Variants in SLC12A8 observed in about 807,000 individuals in gnomAD.
SLC12A8 encodes solute carrier family 12 member 8.
In SLC12A8, 69 loss-of-function variants were observed where a neutral mutation model predicts 75.6. That is an observed-to-expected ratio of 0.91 (90% confidence interval 0.75 to 1.11). The LOEUF (loss-of-function observed/expected upper bound fraction) is 1.11. SLC12A8 is among the 50% of genes most tolerant of loss of function. The pLI, the probability that SLC12A8 is intolerant of heterozygous loss-of-function variation, is 0.00. For synonymous variants in SLC12A8, 365 were observed against 372.8 expected (o/e 0.98, Z 0.24); for missense variants, 877 against 896.7 (o/e 0.98, Z 0.28).
intron 10 of SLC12A8, among the ~76,000 whole-genome samples, chr3:125,094,305 C>G (rs970279378): frequency 1.3e-5 from 2 of 152,186 alleles, no homozygotes; most frequent in Non-Finnish European, 2.9e-5. Flanking sequence ...TAACCTCTTA[C>G]CTACATACAC....
At chr3:125,211,417 G>A in intron 1 of SLC12A8, 23 bp from the exon 2 acceptor site, 1 of 1,347,118 alleles carries the variant, frequency 7.4e-7, no homozygotes, top group Non-Finnish European at 1.1e-6. Flanking sequence ...AGCATCCTTG[G>A]TCAGGCTGGC....
Position 125,083,763 on chromosome 3 carries a change from G to T in SLC12A8, c.*127C>A. ...GGAAAAGAAAATGTAGATTTCCATT[G>T]TCCAAAGTGACAGCGGGAGGATGGG... On this transcript the variant is annotated 3_prime_UTR_variant, in exon 14 of 14. Transcript: ENST00000469902. 221 of 786,206 alleles carry T rather than the reference G, an allele frequency of 2.8e-4. No individual in the cohort carries two copies. Among genetic ancestry groups the T allele is most frequent in the Non-Finnish European group, 3.9e-4 (199 of 512,048 alleles). The allele number at this position is 786,206 out of a possible 1,614,324, so 48.7% of individuals were successfully genotyped here.
intron 2 of SLC12A8, among the ~76,000 whole-genome samples, chr3:125,201,702 G>GAAAAAAAAAAAAAAAAAAAA (rs141256499): frequency 1.0e-5 from 1 of 95,572 alleles, no homozygotes; most frequent in Non-Finnish European, 2.2e-5. Flanking sequence ...AGCCATGATT[G>GAAAAAAAAAAAAAAAAAAAA]AAAAAAAAAA....
intron 5 of SLC12A8, among the ~76,000 whole-genome samples, chr3:125,143,054 C>T (rs527579186): frequency 1.3e-5 from 2 of 152,328 alleles, no homozygotes; most frequent in African/African-American, 4.8e-5. Flanking sequence ...GATGAGGAAA[C>T]CTTCATGGTC....
At position 125,120,648 on chromosome 3, in the gene SLC12A8, C is replaced by T; in HGVS notation, c.775G>A (p.Glu259Lys). ...CCCAGGGGAATGCTGGCGGCAGGCT[C>T]CCTGAGGTCGCCCCCCATGTTGAAG... ...AGFNMGGDLR[E>K]PAASIPLGSL... Residue 259 changes from glutamate (E) to lysine (K), a missense_variant, in exon 7 of 14, where the codon GAG becomes AAG. By Grantham distance (56) the Glu-to-Lys change is moderately conservative. Transcript: ENST00000469902. 2.5e-6 allele frequency: 4 copies of T among 1,613,688 alleles called. No individual in the cohort carries two copies. The highest frequency in any genetic ancestry group is 3.4e-6 in the Non-Finnish European group (4 of 1,179,918).
intron 2 of SLC12A8, among the ~76,000 whole-genome samples, chr3:125,203,914 G>A (rs919850929): frequency 6.6e-6 from 1 of 152,130 alleles, no homozygotes; most frequent in Non-Finnish European, 1.5e-5. Context: ...CCATTAAAAA[G>A]TGGGCAAAAC....
chr3:125,190,403 A>G lies in SLC12A8; in HGVS notation c.170T>C (p.Val57Ala). The part of the protein sequence containing the change: ...TSCMINIFGV[V>A]LFLRTGWLVG... Reference sequence around the variant, plus strand: ...CAGCCAGCCAGTCCTCAGGAAGAGCACAACCCCAAAGATGTTGATCATGCA... The same window carrying G: ...CAGCCAGCCAGTCCTCAGGAAGAGCGCAACCCCAAAGATGTTGATCATGCA... The change falls in exon 3 of 14, where the codon GTG (valine) becomes GCG (alanine). Residue 57 changes from valine to alanine, a missense_variant. Physicochemically the swap from Val to Ala is moderately conservative, Grantham distance 64 (BLOSUM62 0). Transcript: ENST00000469902. 6.2e-7 allele frequency: 1 copy of G among 1,614,216 alleles called. No individual in the cohort carries two copies. The highest frequency in any genetic ancestry group is 8.5e-7 in the Non-Finnish European group (1 of 1,180,038).
chr3:125,107,748 C>G lies in SLC12A8; in HGVS notation c.1438G>C (p.Gly480Arg), dbSNP rs761429351. The G allele has an allele frequency of 1.2e-5, 19 of 1,614,084 alleles. No individual in the cohort carries two copies. Among genetic ancestry groups the G allele is most frequent in the Non-Finnish European group, 1.5e-5 (18 of 1,180,038 alleles). The part of the protein sequence containing the change: ...RKLESSQPRQ[G>R]EGNRTPESQK... ...CTTTCTGGGGTCCTGTTACCCTCTC[C>G]TTGCCTGGGCTGGCTACTCTCAAGC... is the stretch of plus-strand genomic sequence containing the variant. The change falls in exon 10 of 14, where the codon GGA (glycine) becomes CGA (arginine). Residue 480 changes from glycine (G) to arginine (R), a missense_variant. Gly to Arg is a moderately radical substitution (Grantham distance 125). Transcript: ENST00000469902.
intron 3 of SLC12A8, 79 bp downstream of exon 3, chr3:125,190,296 G>T: frequency 1.3e-6 from 2 of 1,503,204 alleles, no homozygotes; most frequent in South Asian, 2.4e-5. Context: ...TCTGTGGCCT[G>T]CACTGTAGAA....
intron 5 of SLC12A8, among the ~76,000 whole-genome samples, chr3:125,173,350 A>G (rs1184098236): frequency 6.6e-6 from 1 of 151,952 alleles, no homozygotes. Flanking sequence ...AGAAACACAC[A>G]AATACAGTCA....
intron 5 of SLC12A8, among the ~76,000 whole-genome samples, chr3:125,136,950 T>C (rs1004671170): frequency 2.6e-5 from 4 of 152,188 alleles, no homozygotes; most frequent in African/African-American, 9.7e-5. Flanking sequence ...GAGAAGGAGT[T>C]GGTTTGTTCC....
intron 6 of SLC12A8, among the ~76,000 whole-genome samples, chr3:125,122,639 T>C (rs894134699): frequency 1.1e-4 from 17 of 152,294 alleles, no homozygotes; most frequent in Admixed American, 8.5e-4. Flanking sequence ...GGCTGGACGT[T>C]TGCACCCCAA....
intron 12 of SLC12A8, among the ~76,000 whole-genome samples, chr3:125,089,690 T>C (rs9854176): frequency 0.035 from 1,422 of 40,178 alleles, 27 homozygotes; most frequent in African/African-American, 0.12. Flanking sequence ...CTTTTTCTCT[T>C]TTTTTTTTTT....
In SLC12A8 at chr3:125,198,393, G is replaced by T. The variant is rs575625582; in HGVS notation, c.52-7872C>A. ...TCAGGCCTATAATCCCAGCACTTTG[G>T]GAGGCTGAGGTGGGTGATCACCTGA... On this transcript the variant is annotated intron_variant, in intron 2 of 13. Coordinates refer to ENST00000469902, the MANE Select transcript of SLC12A8 (RefSeq NM_024628.6). Among the ~76,000 whole-genome samples, 39 of 152,306 alleles carry T rather than the reference G, an allele frequency of 2.6e-4. No homozygotes were observed. The East Asian group carries it at 7.5e-3, about 29-fold the overall frequency.
At chr3:125,174,378 A>G (rs1000365410) in intron 5 of SLC12A8, among the ~76,000 whole-genome samples, 2 of 152,212 alleles carry the variant, frequency 1.3e-5, no homozygotes, top group Non-Finnish European at 2.9e-5. Flanking sequence ...ACTCTCATTC[A>G]TTGTTGGTGG....
chr3:125,098,401 T>C (rs1267942215), intron 10 of SLC12A8, among the ~76,000 whole-genome samples: 4 of 152,192 alleles, frequency 2.6e-5, no homozygotes, highest in African/African-American at 7.2e-5. Flanking sequence ...TGGGGTTGTT[T>C]CCTTGATAAA....
chr3:125,183,711 G>A (rs886148999), intron 4 of SLC12A8, among the ~76,000 whole-genome samples: 6 of 152,120 alleles, frequency 3.9e-5, no homozygotes, highest in Non-Finnish European at 7.3e-5. Context: ...ACTAATGAAC[G>A]TTCTTCCACG....
intron 6 of SLC12A8, among the ~76,000 whole-genome samples, chr3:125,126,396 A>AATC (rs1484291710): frequency 6.6e-6 from 1 of 152,196 alleles, no homozygotes; most frequent in East Asian, 1.9e-4. Context: ...CCAGAAAATG[A>AATC]ATCAACCCCT....
At chr3:125,210,485 AT>A (rs1323214347) in intron 2 of SLC12A8, among the ~76,000 whole-genome samples, 1 of 152,234 alleles carries the variant, frequency 6.6e-6, no homozygotes, top group Non-Finnish European at 1.5e-5. Context: ...AGAGGAACAG[AT>A]GCCATCACAG....
Sources: allele counts gnomAD v4.1 joint callset (sites outside exome capture counted in the v4.1 genomes callset), GRCh38; gene constraint gnomAD v4.1.1; transcripts MANE v1.5; gene names NCBI Gene and HGNC (gene_info 2026-07-23, HGNC 2026-07-21).